The following COL19A1 variants were observed in gnomAD, a reference collection of about 807,000 sequenced individuals.
The protein encoded by COL19A1 is collagen type XIX alpha 1 chain.
In COL19A1, 159 loss-of-function variants were observed where a neutral mutation model predicts 190.2. The ratio of observed to expected loss-of-function variants is 0.84; its 90% CI spans 0.73 to 0.95. The LOEUF is 0.95. Among genes scored for constraint, COL19A1 ranks in the 40% least tolerant of loss-of-function variants. COL19A1 has a pLI of 0.00. For synonymous variants in COL19A1, 509 were observed against 458.9 expected (o/e 1.11, Z -1.39); for missense variants, 1,418 against 1,431.9 (o/e 0.99, Z 0.16).
At chr6:70,043,656 A>G (rs7767650) in intron 14 of COL19A1, among the ~76,000 whole-genome samples, 8,118 of 152,254 alleles carry the variant, frequency 0.053, 707 homozygotes, top group African/African-American at 0.19. Context: ...ATGAGCAGGA[A>G]TATTTTGAAA....
rs540520755 is a variant in COL19A1, at chr6:70,128,251, G to T, written c.1342-1931G>T. ...CGGGGAATATAAATTAGATATATGG[G>T]TCTAAAACTCAGAAGGGAAGTATAT... On this transcript the variant is annotated intron_variant, in intron 17 of 50. Transcript: ENST00000620364. Among the ~76,000 whole-genome samples the T allele has an allele frequency of 2.1e-3, 326 of 152,274 alleles. 3 individuals are homozygous for T. The highest frequency in any genetic ancestry group is 4.8e-3 in the South Asian group (23 of 4,826).
chr6:70,041,202 A>T (rs890684991), intron 14 of COL19A1, among the ~76,000 whole-genome samples: 4 of 152,242 alleles, frequency 2.6e-5, no homozygotes, highest in Non-Finnish European at 5.9e-5. Context: ...AAAAAATTTA[A>T]TGAAATATCT....
rs116551185 is a variant in COL19A1, at chr6:70,199,499, T to G, written c.3095-109T>G. On this transcript the variant is annotated intron_variant, in intron 48 of 50. Coordinates refer to ENST00000620364, the MANE Select transcript of COL19A1 (RefSeq NM_001858.6). ...GACCAGTTGGTAAATTAGATGTGCT[T>G]AAATTAAAAACTAAATCTTTTTGTT... The G allele has an allele frequency of 6.4e-4, 582 of 903,958 alleles. 2 individuals carry two copies. In the African/African-American group the frequency reaches 9.4e-3, roughly 15 times the overall value. The allele number at this position is 903,958 out of a possible 1,614,324, so 56.0% of individuals were successfully genotyped here. A position where few individuals can be genotyped will look rare whatever the true frequency, so the allele number is the denominator to read the frequency against.
chr6:70,063,768 G>A (rs968487321), intron 14 of COL19A1, among the ~76,000 whole-genome samples: 1 of 152,052 alleles, frequency 6.6e-6, no homozygotes. Context: ...GAATCAAATA[G>A]ATGCAATAAA....
chr6:70,044,898 T>A (rs928378627), intron 14 of COL19A1, among the ~76,000 whole-genome samples: 1 of 152,198 alleles, frequency 6.6e-6, no homozygotes, highest in African/African-American at 2.4e-5. Context: ...GATACTATAT[T>A]TTTAAGCTAG....
At chr6:69,993,447 G>A (rs1252370273) in intron 11 of COL19A1, among the ~76,000 whole-genome samples, 1 of 152,122 alleles carries the variant, frequency 6.6e-6, no homozygotes, top group Non-Finnish European at 1.5e-5. Context: ...GCCAGGTTTT[G>A]GTATCAGGAT....
At chr6:70,096,148 C>T (rs538631535) in intron 15 of COL19A1, among the ~76,000 whole-genome samples, 77 of 149,538 alleles carry the variant, frequency 5.1e-4, no homozygotes, top group African/African-American at 1.9e-3. Flanking sequence ...GTGGTGCCTT[C>T]TCAGCTTACT....
intron 9 of COL19A1, among the ~76,000 whole-genome samples, chr6:69,954,314 G>C (rs1046319438): frequency 3.3e-5 from 5 of 151,988 alleles, no homozygotes; most frequent in Non-Finnish European, 7.4e-5. Context: ...CTTGGGGTCT[G>C]TCTCATCTCT....
chr6:69,931,771 A>G (rs1442484806), intron 6 of COL19A1, among the ~76,000 whole-genome samples: 2 of 152,094 alleles, frequency 1.3e-5, no homozygotes, highest in Non-Finnish European at 2.9e-5. Flanking sequence ...TGAATCTGTA[A>G]GATGTCTGGA....
intron 12 of COL19A1, 110 bp from the exon 13 acceptor site, chr6:70,034,135 G>A (rs2150116229): frequency 2.6e-6 from 2 of 776,518 alleles, no homozygotes; most frequent in East Asian, 2.6e-5. Flanking sequence ...TACTACAAAA[G>A]GAAGAATGAG....
chr6:70,058,248 T>C (rs759072709), intron 14 of COL19A1, among the ~76,000 whole-genome samples: 1 of 152,200 alleles, frequency 6.6e-6, no homozygotes, highest in Middle Eastern at 3.4e-3. Flanking sequence ...TCATATTTCA[T>C]TGTGTCCCAT....
intron 12 of COL19A1, among the ~76,000 whole-genome samples, chr6:70,028,821 C>T (rs1054239733): frequency 1.3e-5 from 2 of 151,994 alleles, no homozygotes; most frequent in African/African-American, 4.8e-5. Context: ...ATACAGAAAG[C>T]CTTTAGAACA....
intron 11 of COL19A1, among the ~76,000 whole-genome samples, chr6:69,966,578 G>T (rs943915963): frequency 6.6e-6 from 1 of 151,770 alleles, no homozygotes; most frequent in African/African-American, 2.4e-5. Context: ...CAGCATGCTC[G>T]TTAAGAGTCA....
rs920670059 is a variant in COL19A1, at chr6:69,920,713, T to C, written c.267-7196T>C. 7.2e-5 allele frequency among the ~76,000 whole-genome samples: 11 copies of C among 152,016 alleles called. No homozygotes were observed. The East Asian group carries it at 2.1e-3, about 29-fold the overall frequency. Reference sequence around the variant, plus strand: ...AATATCTAGATGACCTTAATTAATGTGTAGAAAAGTAGACAATTTAAAAAA... The same window carrying C: ...AATATCTAGATGACCTTAATTAATGCGTAGAAAAGTAGACAATTTAAAAAA... On this transcript the variant is annotated intron_variant, in intron 4 of 50. Transcript: ENST00000620364.
At chr6:69,919,524 A>G (rs964801883) in intron 4 of COL19A1, among the ~76,000 whole-genome samples, 1 of 152,072 alleles carries the variant, frequency 6.6e-6, no homozygotes, top group African/African-American at 2.4e-5. Context: ...TTTAGGTTTT[A>G]TTCTGTTTGT....
chr6:69,892,998 A>G (rs548007081), intron 2 of COL19A1, among the ~76,000 whole-genome samples: 1 of 152,374 alleles, frequency 6.6e-6, no homozygotes, highest in Non-Finnish European at 1.5e-5. Flanking sequence ...AGAGAGAAAC[A>G]AACGTGCTAC....
Position 70,209,111 on chromosome 6 carries a change from C to A in COL19A1, c.*1837C>A, listed in dbSNP as rs764159229. The A allele has an allele frequency of 1.3e-5, 2 of 152,058 alleles. No homozygotes were observed. Among genetic ancestry groups the A allele is most frequent in the Non-Finnish European group, 2.9e-5 (2 of 67,958 alleles). 9.4% of individuals were successfully genotyped at this position (152,058 alleles called of 1,614,324 possible). ...TTTAAACTTACACAATTGGGACATA[C>A]GTATGTGTTTTCTTAGTAAAATGGT... is the stretch of plus-strand genomic sequence containing the variant. On this transcript the variant is annotated 3_prime_UTR_variant, in exon 51 of 51. Transcript: ENST00000620364.
At chr6:70,107,137 T>A (rs1784026035) in intron 16 of COL19A1, among the ~76,000 whole-genome samples, 2 of 152,208 alleles carry the variant, frequency 1.3e-5, no homozygotes, top group Admixed American at 1.3e-4. Flanking sequence ...AAGACAGAAC[T>A]GAAACACAGG....
chr6:70,001,958 A>G (rs775669002), intron 11 of COL19A1, among the ~76,000 whole-genome samples: 7 of 152,156 alleles, frequency 4.6e-5, no homozygotes, highest in Non-Finnish European at 1.0e-4. Flanking sequence ...TTCAAAGGGA[A>G]TGCTTCCAGC....
Sources: allele counts gnomAD v4.1 joint callset (sites outside exome capture counted in the v4.1 genomes callset), GRCh38; gene constraint gnomAD v4.1.1; transcripts MANE v1.5; gene names NCBI Gene and HGNC (gene_info 2026-07-23, HGNC 2026-07-21).